Variants in LDAH observed in about 807,000 individuals in gnomAD.
LDAH encodes the protein lipid droplet associated hydrolase, also known as lipid droplet-associated hydrolase.
Under a neutral mutation model 29.6 loss-of-function variants are expected in LDAH, and 26 were observed. The ratio of observed to expected loss-of-function variants is 0.88; its 90% CI spans 0.64 to 1.22. The LOEUF (loss-of-function observed/expected upper bound fraction) is 1.22. LDAH is among the 50% of genes most tolerant of loss of function. LDAH has a pLI of 0.00. For synonymous variants in LDAH, 117 were observed against 133.0 expected, an observed-to-expected ratio of 0.88 and a Z score of 0.83; for missense variants, 344 against 387.3, an observed-to-expected ratio of 0.89 and a Z score of 0.94.
intron 4 of LDAH, among the ~76,000 whole-genome samples, chr2:20,751,889 T>C (rs1668000115): frequency 6.6e-6 from 1 of 152,210 alleles, no homozygotes; most frequent in Admixed American, 6.5e-5. Flanking sequence ...TTTTTATTTT[T>C]AAATTTATTT....
At chr2:20,702,664 A>T (rs1664031059) in intron 5 of LDAH, among the ~76,000 whole-genome samples, 1 of 152,140 alleles carries the variant, frequency 6.6e-6, no homozygotes, top group Admixed American at 6.5e-5. Context: ...TTATTTATCT[A>T]GTGGTTAGCC....
At chr2:20,785,074 G>C (rs1007946240) in intron 3 of LDAH, among the ~76,000 whole-genome samples, 4 of 151,818 alleles carry the variant, frequency 2.6e-5, no homozygotes, top group African/African-American at 9.7e-5. Context: ...TTATTACTTT[G>C]AATAAACAGC....
chr2:20,733,907 C>T (rs1044486360), intron 5 of LDAH, among the ~76,000 whole-genome samples: 18 of 152,028 alleles, frequency 1.2e-4, no homozygotes, highest in Non-Finnish European at 2.6e-4. Flanking sequence ...TAGAAGTGTG[C>T]GGTTTACTTT....
chr2:20,822,218 G>A (rs1169097366), intron 1 of LDAH, among the ~76,000 whole-genome samples: 1 of 151,798 alleles, frequency 6.6e-6, no homozygotes, highest in Admixed American at 6.6e-5. Context: ...TCCACCTCCC[G>A]GGTTCACGCC....
chr2:20,728,659 G>C (rs148621834), intron 5 of LDAH, among the ~76,000 whole-genome samples: 2 of 152,258 alleles, frequency 1.3e-5, no homozygotes, highest in African/African-American at 2.4e-5. Flanking sequence ...GGCAGGGGTG[G>C]CACTGGGGAT....
At position 20,801,571 on chromosome 2, in the gene LDAH, G is replaced by A. The variant is rs1371097928; in HGVS notation, c.-2-106C>T. ...AGGGCAAGTTTCAATATACCTAGAAGGAAATGCCACAAGGACATCTGGGAA... is the reference window on the plus strand; with the variant it reads ...AGGGCAAGTTTCAATATACCTAGAAAGAAATGCCACAAGGACATCTGGGAA... On this transcript the variant is annotated intron_variant, in intron 1 of 6. Coordinates refer to ENST00000237822, the MANE Select transcript of LDAH (RefSeq NM_021925.4). The A allele has an allele frequency of 1.6e-5, 14 of 859,056 alleles. No homozygotes were observed. The Admixed American group carries it at 2.1e-4, about 13-fold the overall frequency. The allele number at this position is 859,056 out of a possible 1,614,324, so 53.2% of individuals were successfully genotyped here. A position where few individuals can be genotyped will look rare whatever the true frequency, so the allele number is the denominator to read the frequency against.
At chr2:20,732,689 C>G (rs914693486) in intron 5 of LDAH, among the ~76,000 whole-genome samples, 1 of 152,040 alleles carries the variant, frequency 6.6e-6, no homozygotes, top group Non-Finnish European at 1.5e-5. Context: ...TTCACAGTAG[C>G]CTTTATTATC....
chr2:20,759,204 G>C (rs1332587294), intron 4 of LDAH, among the ~76,000 whole-genome samples: 1 of 152,166 alleles, frequency 6.6e-6, no homozygotes, highest in African/African-American at 2.4e-5. Context: ...CTTCATTCAT[G>C]CATGCTCCCT....
intron 4 of LDAH, among the ~76,000 whole-genome samples, chr2:20,766,191 T>C (rs899989029): frequency 2.6e-5 from 4 of 152,090 alleles, no homozygotes; most frequent in South Asian, 2.1e-4. Flanking sequence ...TTTACTGCAA[T>C]ATATTTTTAT....
At chr2:20,788,478 C>T (rs1260193977) in intron 3 of LDAH, among the ~76,000 whole-genome samples, 3 of 152,140 alleles carry the variant, frequency 2.0e-5, no homozygotes, top group Non-Finnish European at 4.4e-5. Flanking sequence ...CAAAACTAGC[C>T]TTCAAAGAGT....
At chr2:20,748,443 C>T (rs1328692934) in intron 4 of LDAH, among the ~76,000 whole-genome samples, 1 of 152,228 alleles carries the variant, frequency 6.6e-6, no homozygotes, top group African/African-American at 2.4e-5. Context: ...CCATTCTTCT[C>T]AAGCTTTTAT....
At chr2:20,734,795 C>A (rs1416212773) in intron 5 of LDAH, among the ~76,000 whole-genome samples, 6 of 152,136 alleles carry the variant, frequency 3.9e-5, no homozygotes, top group African/African-American at 1.4e-4. Context: ...AGAGAACTTC[C>A]TGCAGTTATT....
At chr2:20,758,154 AT>A (rs1558449348) in intron 4 of LDAH, among the ~76,000 whole-genome samples, 1 of 152,254 alleles carries the variant, frequency 6.6e-6, no homozygotes, top group Non-Finnish European at 1.5e-5. Context: ...TGAGACTTAG[AT>A]GTTGGAATTA....
At chr2:20,711,749 C>T (rs760035070) in intron 5 of LDAH, among the ~76,000 whole-genome samples, 2 of 152,246 alleles carry the variant, frequency 1.3e-5, no homozygotes, top group Non-Finnish European at 2.9e-5. Context: ...GCGCCTGGCT[C>T]AGCGGGTCCC....
chr2:20,710,643 G>GA (rs778882678), intron 5 of LDAH, among the ~76,000 whole-genome samples: 3 of 138,480 alleles, frequency 2.2e-5, no homozygotes, highest in Non-Finnish European at 4.6e-5. Flanking sequence ...TAGATATATA[G>GA]TATACATATA....
intron 2 of LDAH, among the ~76,000 whole-genome samples, chr2:20,794,254 G>T (rs901179480): frequency 6.6e-6 from 1 of 152,106 alleles, no homozygotes; most frequent in Non-Finnish European, 1.5e-5. Context: ...AGAAAGACCT[G>T]CTCCCGTGAT....
At chr2:20,710,260 C>A (rs1334038267) in intron 5 of LDAH, among the ~76,000 whole-genome samples, 3 of 151,976 alleles carry the variant, frequency 2.0e-5, no homozygotes, top group Non-Finnish European at 2.9e-5. Context: ...GACATCTCTG[C>A]AGATTCCAGA....
chr2:20,800,042 A>G (rs1011241543), intron 2 of LDAH, among the ~76,000 whole-genome samples: 1 of 152,244 alleles, frequency 6.6e-6, no homozygotes, highest in Admixed American at 6.5e-5. Context: ...GTTGTGGACC[A>G]TGTAATAAGC....
chr2:20,709,090 T>C (rs1664514102), intron 5 of LDAH, among the ~76,000 whole-genome samples: 1 of 152,170 alleles, frequency 6.6e-6, no homozygotes, highest in South Asian at 2.1e-4. Context: ...TCTTCCAAAA[T>C]TCAGCTTTTT....
Sources: gnomAD v4.1 joint callset for allele counts (sites outside exome capture counted in the v4.1 genomes callset) on GRCh38, gnomAD v4.1.1 for gene constraint, MANE v1.5 for transcripts, NCBI Gene and HGNC (gene_info 2026-07-23, HGNC 2026-07-21) for gene names.